AP3B1: variants seen among roughly 807,000 people sequenced by gnomAD.
AP3B1 encodes adaptor related protein complex 3 subunit beta 1, also known as AP-3 complex subunit beta-1.
Under a neutral mutation model 132.5 loss-of-function variants are expected in AP3B1, and 61 were observed. The observed-to-expected ratio is 0.46, with a 90% CI of 0.37 to 0.57. AP3B1 has a LOEUF of 0.57. AP3B1 is among the 20% of genes least tolerant of loss of function. The pLI, the probability that AP3B1 is intolerant of heterozygous loss-of-function variation, is 0.00. For synonymous variants in AP3B1, 388 were observed against 438.3 expected (o/e 0.89, Z 1.43); for missense variants, 1,120 against 1,289.4 (o/e 0.87, Z 2.01).
chr5:78,047,587 A>G (rs1404329443), intron 22 of AP3B1, among the ~76,000 whole-genome samples: 2 of 152,088 alleles, frequency 1.3e-5, no homozygotes, highest in African/African-American at 4.8e-5. Flanking sequence ...AGTTCCTTGT[A>G]GATTCTGGGT....
rs1748377456 is a variant in AP3B1 at position 78,267,574 on chromosome 5, C to G, written c.150G>C (p.Met50Ile). The change falls in exon 2 of 27, where the codon ATG becomes ATC. Residue 50 changes from methionine (M) to isoleucine (I), a missense_variant. Met to Ile is a conservative substitution (Grantham distance 10). Around this residue, in one of 3 missense-constraint regions of AP3B1, gnomAD observed 85 missense variants for 79.9 expected, o/e 1.06. Coordinates refer to ENST00000255194, the MANE Select transcript of AP3B1 (RefSeq NM_003664.5). ...DLKKNEDLKQMLESNKDSAKL... is the reference protein window; with the variant it reads ...DLKKNEDLKQILESNKDSAKL... ...TAGCAGAATCTTTGTTGCTCTCTAACATTTGCTTTAGATCTTCATTCCTAT... is the reference window on the plus strand; with the variant it reads ...TAGCAGAATCTTTGTTGCTCTCTAAGATTTGCTTTAGATCTTCATTCCTAT... The G allele has an allele frequency of 6.2e-7, 1 of 1,610,002 alleles. No homozygotes were observed. The highest frequency in any genetic ancestry group is 8.5e-7 in the Non-Finnish European group (1 of 1,177,336).
chr5:78,056,922 A>G (rs551427462), intron 22 of AP3B1, among the ~76,000 whole-genome samples: 8 of 152,354 alleles, frequency 5.3e-5, no homozygotes, highest in African/African-American at 1.9e-4. Flanking sequence ...AAGCCAACAT[A>G]TTATTGGCTA....
intron 22 of AP3B1, among the ~76,000 whole-genome samples, chr5:78,069,089 T>C (rs1176816093): frequency 6.6e-6 from 1 of 152,224 alleles, no homozygotes; most frequent in Non-Finnish European, 1.5e-5. Context: ...ATAAACTAGG[T>C]ATTGATGGAA....
chr5:78,278,416 G>A (rs1352838889), intron 1 of AP3B1, among the ~76,000 whole-genome samples: 1 of 92,088 alleles, frequency 1.1e-5, no homozygotes, highest in Non-Finnish European at 2.9e-5. Context: ...CGGCTAAAAC[G>A]GTGAAACCCC....
At chr5:78,266,991 T>A (rs1006853169) in intron 2 of AP3B1, among the ~76,000 whole-genome samples, 10 of 152,178 alleles carry the variant, frequency 6.6e-5, no homozygotes, top group African/African-American at 2.4e-4. Context: ...CATAACTTAT[T>A]AATCAATTGT....
chr5:78,227,362 A>G lies in AP3B1; in HGVS notation c.536+10T>C. 6.2e-7 allele frequency: 1 copy of G among 1,612,522 alleles called. No individual in the cohort carries two copies. The highest frequency in any genetic ancestry group is 8.5e-7 in the Non-Finnish European group (1 of 1,178,882). ...AGAGATCTTTGGTATATTGTTAACAATGCACCTACCTGTATAATTTTTGTA... is the reference window on the plus strand; with the variant it reads ...AGAGATCTTTGGTATATTGTTAACAGTGCACCTACCTGTATAATTTTTGTA... On this transcript the variant is annotated intron_variant, in intron 5 of 26. Transcript: ENST00000255194.
At chr5:78,069,316 CTGTT>C (rs1749431431) in intron 22 of AP3B1, among the ~76,000 whole-genome samples, 1 of 152,196 alleles carries the variant, frequency 6.6e-6, no homozygotes, top group African/African-American at 2.4e-5. Flanking sequence ...CAAACTGCCT[CTGTT>C]TGCAGATGAC....
At chr5:78,077,121 G>A (rs1189602234) in intron 22 of AP3B1, among the ~76,000 whole-genome samples, 2 of 152,000 alleles carry the variant, frequency 1.3e-5, no homozygotes, top group Admixed American at 6.6e-5. Context: ...CAACAAATTA[G>A]GCCTTTTTGT....
chr5:78,153,381 T>C (rs532327425), intron 14 of AP3B1, among the ~76,000 whole-genome samples: 140 of 152,276 alleles, frequency 9.2e-4, no homozygotes, highest in African/African-American at 3.0e-3. Context: ...CTGCTCTTTT[T>C]TGGTTTCTAC....
At chr5:78,043,759 G>A in intron 22 of AP3B1, 1 of 380,534 alleles carries the variant, frequency 2.6e-6, no homozygotes. Context: ...AAAAAAGGCA[G>A]CACCAAACTG....
intron 2 of AP3B1, among the ~76,000 whole-genome samples, chr5:78,256,103 G>A (rs186760650): frequency 2.6e-5 from 4 of 151,956 alleles, no homozygotes; most frequent in East Asian, 1.9e-4. Context: ...ATCTAACGAT[G>A]CATCTTAAGG....
At position 78,020,713 on chromosome 5, in the gene AP3B1, T is replaced by C; in HGVS notation, c.2971A>G (p.Lys991Glu). The C allele has an allele frequency of 6.2e-7, 1 of 1,612,504 alleles. No individual in the cohort carries two copies. Among genetic ancestry groups the C allele is most frequent in the South Asian group, 1.1e-5 (1 of 91,050 alleles). The change falls in exon 25 of 27, where the codon AAA becomes GAA. Residue 991 changes from lysine to glutamate, a missense_variant. Transcript: ENST00000255194. ...ELLLPVAMSE[K>E]DFKKEQGVLT... ...TCACCTTGCTCTTTCTTAAAATCTTTCTCTGACATGGCCACAGGTAAAAGC... is the reference window on the plus strand; with the variant it reads ...TCACCTTGCTCTTTCTTAAAATCTTCCTCTGACATGGCCACAGGTAAAAGC...
At chr5:78,228,362 G>A (rs1746488233) in intron 3 of AP3B1, 123 bp from the exon 4 acceptor site, 2 of 646,262 alleles carry the variant, frequency 3.1e-6, no homozygotes, top group African/African-American at 1.9e-5. Flanking sequence ...ATGTTAGATT[G>A]TAAAATAAAA....
intron 6 of AP3B1, among the ~76,000 whole-genome samples, chr5:78,219,401 C>T (rs1176254014): frequency 6.6e-6 from 1 of 151,810 alleles, no homozygotes; most frequent in African/African-American, 2.4e-5. Flanking sequence ...CATACGTGAA[C>T]ATTAGAAAAG....
In AP3B1 at chr5:78,200,433, G is replaced by A. The variant is rs150148531; in HGVS notation, c.786+15622C>T. 5.9e-4 allele frequency among the ~76,000 whole-genome samples: 90 copies of A among 152,206 alleles called. 1 individual carries two copies. The East Asian group carries it at 0.016, about 28-fold the overall frequency. On this transcript the variant is annotated intron_variant, in intron 7 of 26. Transcript: ENST00000255194. Reference sequence around the variant, plus strand: ...AGCACTTTGGGAGGCTGAGGCAGGCGAATCACTTGAGCTCTGGAGTTCAAG... The same window carrying A: ...AGCACTTTGGGAGGCTGAGGCAGGCAAATCACTTGAGCTCTGGAGTTCAAG...
At chr5:78,050,530 T>C (rs1748537103) in intron 22 of AP3B1, among the ~76,000 whole-genome samples, 1 of 150,554 alleles carries the variant, frequency 6.6e-6, no homozygotes, top group Non-Finnish European at 1.5e-5. Context: ...ACTGTGGTGA[T>C]ATGTGGAGAT....
rs747478641 is a variant in AP3B1, at chr5:78,175,706, C to T, written c.1096-9G>A. ...TAAGGTTCAAACATCCCCTGGATTA[C>T]AAAAATAAATACAAAAATACATTAT... On this transcript the variant is annotated splice_polypyrimidine_tract_variant and intron_variant, in intron 10 of 26. Coordinates refer to ENST00000255194, the MANE Select transcript of AP3B1 (RefSeq NM_003664.5). 10 of 1,612,674 alleles carry T rather than the reference C, an allele frequency of 6.2e-6. No homozygotes were observed. Among genetic ancestry groups the T allele is most frequent in the African/African-American group, 2.7e-5 (2 of 74,856 alleles).
intron 12 of AP3B1, among the ~76,000 whole-genome samples, chr5:78,163,518 C>A (rs1217671522): frequency 6.6e-6 from 1 of 151,274 alleles, no homozygotes; most frequent in African/African-American, 2.4e-5. Context: ...AAATAAAATA[C>A]CATACTTTTG....
intron 17 of AP3B1, among the ~76,000 whole-genome samples, chr5:78,126,551 C>T (rs921719979): frequency 3.6e-5 from 5 of 137,938 alleles, no homozygotes; most frequent in African/African-American, 1.1e-4. Context: ...AATAAGGCAA[C>T]TCTTTTGAAG....
Sources: gnomAD v4.1 joint callset for allele counts (sites outside exome capture counted in the v4.1 genomes callset) on GRCh38, gnomAD v4.1.1 for gene constraint, gnomAD v4.1.1 regional missense constraint, MANE v1.5 for transcripts, NCBI Gene and HGNC (gene_info 2026-07-23, HGNC 2026-07-21) for gene names.